The following PDCD11 variants were observed in gnomAD, a reference collection of about 807,000 sequenced individuals.
PDCD11 encodes the protein programmed cell death 11, also known as protein RRP5 homolog.
A neutral mutation model predicts 198.9 loss-of-function variants in PDCD11; 97 were observed. The observed-to-expected ratio is 0.49, with a 90% CI of 0.41 to 0.58. The LOEUF is 0.58. Among genes scored for constraint, PDCD11 ranks in the 20% least tolerant of loss-of-function variants. The pLI is 0.00. For missense variants in PDCD11, 2,102 were observed against 2,312.7 expected (o/e 0.91, Z 1.87); for synonymous variants, 893 against 918.0 (o/e 0.97, Z 0.49).
At chr10:103,444,828 T>C in intron 35 of PDCD11, 146 bp downstream of exon 35, 1 of 728,752 alleles carries the variant, frequency 1.4e-6, no homozygotes, top group African/African-American at 1.7e-5. Context: ...GACATTCACT[T>C]CAACTCCTCT....
chr10:103,411,910 A>G (rs1260173424), intron 8 of PDCD11, among the ~76,000 whole-genome samples: 1 of 152,184 alleles, frequency 6.6e-6, no homozygotes, highest in Non-Finnish European at 1.5e-5. Context: ...TTTCTGTTGT[A>G]TTACAGATAC....
At position 103,421,574 on chromosome 10, in the gene PDCD11, C is replaced by A; in HGVS notation, c.2497+7C>A. 6.5e-7 allele frequency: 1 copy of A among 1,546,604 alleles called. No individual in the cohort carries two copies. Among genetic ancestry groups the A allele is most frequent in the Non-Finnish European group, 8.8e-7 (1 of 1,142,700 alleles). ...AGCCTTATGAGCAACCGAGGTGGGG[C>A]ACCTGTGGGGCAGGGGAGGTGGGCC... is the stretch of plus-strand genomic sequence containing the variant. On this transcript the variant is annotated splice_region_variant and intron_variant, in intron 17 of 35. Transcript: ENST00000369797.
At chr10:103,424,654 T>C (rs563277942) in intron 19 of PDCD11, among the ~76,000 whole-genome samples, 4 of 152,268 alleles carry the variant, frequency 2.6e-5, no homozygotes, top group African/African-American at 9.6e-5. Context: ...AGAGAGCTGT[T>C]AGAGGTTGCA....
At chr10:103,418,930 G>A (rs1162840881) in intron 15 of PDCD11, among the ~76,000 whole-genome samples, 1 of 152,084 alleles carries the variant, frequency 6.6e-6, no homozygotes, top group Non-Finnish European at 1.5e-5. Context: ...GGGGCTTTCA[G>A]TGCCTGCCCC....
At chr10:103,443,438 A>G in intron 33 of PDCD11, 105 bp downstream of exon 33, 1 of 1,024,528 alleles carries the variant, frequency 9.8e-7, no homozygotes, top group Non-Finnish European at 1.4e-6. Flanking sequence ...CTTGCCACCC[A>G]ACATCGGGGC....
At chr10:103,433,838 C>G in intron 22 of PDCD11, 110 bp from the exon 23 acceptor site, 5 of 796,876 alleles carry the variant, frequency 6.3e-6, no homozygotes, top group Admixed American at 4.0e-5. Context: ...ATTCCTGTCT[C>G]TTGGAAAAGT....
intron 25 of PDCD11, 129 bp from the exon 26 acceptor site, chr10:103,437,886 A>G: frequency 2.8e-6 from 2 of 714,702 alleles, no homozygotes; most frequent in South Asian, 1.7e-5. Context: ...CAGAATGAAG[A>G]AACATGACCA....
intron 9 of PDCD11, 74 bp from the exon 10 acceptor site, chr10:103,413,892 T>C: frequency 4.9e-6 from 7 of 1,427,892 alleles, no homozygotes; most frequent in Non-Finnish European, 5.7e-6. Context: ...TTGAGTCCTC[T>C]CTATGGGCTG....
In PDCD11 at chr10:103,398,510, A is replaced by G; in HGVS notation, c.84A>G (p.Glu28=). 6.2e-7 allele frequency: 1 copy of G among 1,611,404 alleles called. No individual in the cohort carries two copies. Among genetic ancestry groups the G allele is most frequent in the Non-Finnish European group, 8.5e-7 (1 of 1,177,462 alleles). The change falls in exon 2 of 36, where the codon GAA becomes GAG. Residue 28 remains glutamate (E), a synonymous_variant. Transcript: ENST00000369797. ...AGAAAGCTTTCCAGCAGTCAGTTGAACAAGACAACTTATTTGATGTAAGTA... is the reference window on the plus strand; with the variant it reads ...AGAAAGCTTTCCAGCAGTCAGTTGAGCAAGACAACTTATTTGATGTAAGTA... The part of the protein sequence containing the change: ...KPEKAFQQSV[E]QDNLFDISTE...
chr10:103,402,029 A>C (rs904079711), intron 3 of PDCD11, among the ~76,000 whole-genome samples: 1 of 152,256 alleles, frequency 6.6e-6, no homozygotes, highest in South Asian at 2.1e-4. Flanking sequence ...GGCGTGAGCC[A>C]CTGCACCTGG....
At chr10:103,445,326 A>G in intron 35 of PDCD11, 52 bp from the exon 36 acceptor site, 9 of 1,582,368 alleles carry the variant, frequency 5.7e-6, no homozygotes, top group South Asian at 2.2e-5. Context: ...CTAGGCAGGA[A>G]GCACGTGACC....
chr10:103,438,708 A>G lies in PDCD11; in HGVS notation c.3925A>G (p.Lys1309Glu). ...SSRTNPETKSKVEDPEINSIQ... is the reference protein window; with the variant it reads ...SSRTNPETKSEVEDPEINSIQ... ...TAGAACAAACCCGGAGACGAAAAGCAAAGTAGAAGATCCAGAGATTAACTC... is the reference window on the plus strand; with the variant it reads ...TAGAACAAACCCGGAGACGAAAAGCGAAGTAGAAGATCCAGAGATTAACTC... Residue 1309 changes from lysine (K) to glutamate (E), a missense_variant, in exon 27 of 36, where the codon AAA (lysine) becomes GAA (glutamate). Physicochemically the swap from Lys to Glu is moderately conservative, Grantham distance 56 (BLOSUM62 1). Coordinates refer to ENST00000369797, the MANE Select transcript of PDCD11 (RefSeq NM_014976.2). The G allele has an allele frequency of 6.2e-7, 1 of 1,614,218 alleles. No individual in the cohort carries two copies. The highest frequency in any genetic ancestry group is 8.5e-7 in the Non-Finnish European group (1 of 1,180,046).
Position 103,445,799 on chromosome 10 carries a change from C to T in PDCD11, c.*250C>T, listed in dbSNP as rs2032584852. The T allele has an allele frequency of 4.6e-6, 2 of 434,662 alleles. No individual in the cohort carries two copies. Among genetic ancestry groups the T allele is most frequent in the Admixed American group, 3.6e-5 (1 of 27,870 alleles). 26.9% of individuals were successfully genotyped at this position (434,662 alleles called of 1,614,324 possible). A position where few individuals can be genotyped will look rare whatever the true frequency, so the allele number is the denominator to read the frequency against. The stretch of plus-strand genomic sequence containing the variant: ...GAGGCTACCTGGGGATTGTGGGCAG[C>T]AGGCCCCTGGACTCCCAGAAATGCT... On this transcript the variant is annotated 3_prime_UTR_variant, in exon 36 of 36. Transcript: ENST00000369797.
At chr10:103,429,921 T>C (rs944032575) in intron 21 of PDCD11, among the ~76,000 whole-genome samples, 7 of 152,238 alleles carry the variant, frequency 4.6e-5, no homozygotes, top group African/African-American at 7.2e-5. Flanking sequence ...GACTGGCTTA[T>C]TTCACTTAGT....
chr10:103,402,864 C>T (rs1010074896), intron 3 of PDCD11, among the ~76,000 whole-genome samples: 1 of 152,122 alleles, frequency 6.6e-6, no homozygotes, highest in African/African-American at 2.4e-5. Context: ...CCTCCGAGTA[C>T]CTGCGACTAC....
chr10:103,432,167 C>G lies in PDCD11; in HGVS notation c.3407C>G (p.Ser1136Cys). The change falls in exon 22 of 36, where the codon TCT becomes TGT. Residue 1136 changes from serine to cysteine, a missense_variant. By Grantham distance (112) the Ser-to-Cys change is moderately radical (BLOSUM62 -1). Coordinates refer to ENST00000369797, the MANE Select transcript of PDCD11 (RefSeq NM_014976.2). Reference protein sequence around the residue: ...EDGHTALNTHSVSPMEKIKQY... With the variant: ...EDGHTALNTHCVSPMEKIKQY... Reference sequence around the variant, plus strand: ...GGCCACACTGCTCTTAACACTCACTCTGTTAGCCCCATGGAGAAGATTAAA... The same window carrying G: ...GGCCACACTGCTCTTAACACTCACTGTGTTAGCCCCATGGAGAAGATTAAA... 6.2e-7 allele frequency: 1 copy of G among 1,614,044 alleles called. No homozygotes were observed. The highest frequency in any genetic ancestry group is 1.3e-5 in the African/African-American group (1 of 75,044).
Position 103,432,863 on chromosome 10 carries a change from C to T in PDCD11, c.3474+629C>T, listed in dbSNP as rs528208066. On this transcript the variant is annotated intron_variant, in intron 22 of 35. Coordinates refer to ENST00000369797, the MANE Select transcript of PDCD11 (RefSeq NM_014976.2). ...TAAGGCTCTTCATAATCTGACCTTCCGTGCACCTTGTGTGGCAGTCATTCT... is the reference window on the plus strand; with the variant it reads ...TAAGGCTCTTCATAATCTGACCTTCTGTGCACCTTGTGTGGCAGTCATTCT... Among the ~76,000 whole-genome samples the T allele has an allele frequency of 6.4e-4, 98 of 152,256 alleles. 1 individual carries two copies. Among genetic ancestry groups the T allele is most frequent in the African/African-American group, 2.1e-3 (86 of 41,560 alleles).
intron 15 of PDCD11, 28 bp downstream of exon 15, chr10:103,418,662 G>A: frequency 6.3e-7 from 1 of 1,591,584 alleles, no homozygotes; most frequent in Non-Finnish European, 8.6e-7. Flanking sequence ...CTGTGGAGCA[G>A]AGGAAGGTGG....
chr10:103,424,382 GT>G (rs1217474572), intron 19 of PDCD11, among the ~76,000 whole-genome samples: 1 of 152,244 alleles, frequency 6.6e-6, no homozygotes, highest in Admixed American at 6.5e-5. Context: ...AGTATTAAGA[GT>G]TTAGGACAGA....
Sources: gnomAD v4.1 joint callset for allele counts (sites outside exome capture counted in the v4.1 genomes callset) on GRCh38, gnomAD v4.1.1 for gene constraint, MANE v1.5 for transcripts, NCBI Gene and HGNC (gene_info 2026-07-23, HGNC 2026-07-21) for gene names.